MIS18A: variants seen among roughly 807,000 people sequenced by gnomAD.
The protein encoded by MIS18A is protein Mis18-alpha.
MIS18A carries 14 observed loss-of-function variants against 25.0 expected under a neutral mutation model. The ratio of observed to expected loss-of-function variants is 0.56; its 90% CI spans 0.37 to 0.88. The LOEUF is 0.88. Among genes scored for constraint, MIS18A ranks in the 40% least tolerant of loss-of-function variants. The pLI is 0.00. For synonymous variants in MIS18A, 134 were observed against 118.6 expected, an observed-to-expected ratio of 1.13 and a Z score of -0.84; for missense variants, 292 against 290.8, an observed-to-expected ratio of 1.00 and a Z score of -0.03.
rs2031652469 is a variant in MIS18A, at chr21:32,268,774, G to A, written c.*263C>T. 1 of 296,478 alleles carries A rather than the reference G, an allele frequency of 3.4e-6. No homozygotes were observed. The highest frequency in any genetic ancestry group is 6.2e-6 in the Non-Finnish European group (1 of 160,884). The allele number at this position is 296,478 out of a possible 1,614,324, so 18.4% of individuals were successfully genotyped here. A position where few individuals can be genotyped will look rare whatever the true frequency, so the allele number is the denominator to read the frequency against. On this transcript the variant is annotated 3_prime_UTR_variant, in exon 5 of 5. Transcript: ENST00000290130. ...TTCTTTATCATAAAATATAGCTATA[G>A]AAGTAATTCTACAATTTTGGGTTTT...
At chr21:32,159,995 G>A in the MIS18A span, among the ~76,000 whole-genome samples, 1 of 152,150 alleles carries the variant, frequency 6.6e-6, no homozygotes, top group Admixed American at 6.6e-5. Flanking sequence ...AAGGAAGGAA[G>A]GAAAACCAAG....
At chr21:32,185,310 G>A in the MIS18A span, among the ~76,000 whole-genome samples, 10 of 152,192 alleles carry the variant, frequency 6.6e-5, no homozygotes, top group South Asian at 2.1e-3. Context: ...GAGAAAAAAC[G>A]GAGCACTCCC....
the MIS18A span, among the ~76,000 whole-genome samples, chr21:32,217,193 C>T: frequency 2.6e-5 from 4 of 151,714 alleles, no homozygotes; most frequent in Admixed American, 1.3e-4. Flanking sequence ...GACTTTAAAC[C>T]ACCTATTTTA....
At chr21:32,165,754 A>C in the MIS18A span, among the ~76,000 whole-genome samples, 2 of 152,182 alleles carry the variant, frequency 1.3e-5, no homozygotes, top group South Asian at 4.1e-4. Context: ...GAATGATGAG[A>C]GCTCCATGGA....
chr21:32,246,301 C>A, the MIS18A span, among the ~76,000 whole-genome samples: 1 of 152,182 alleles, frequency 6.6e-6, no homozygotes, highest in African/African-American at 2.4e-5. Context: ...CAGAGCTCAG[C>A]TGCTGCTCCT....
intron 1 of MIS18A, chr21:32,278,198 G>A (rs548186525): frequency 1.2e-4 from 18 of 155,760 alleles, no homozygotes; most frequent in Non-Finnish European, 2.1e-4. Flanking sequence ...TGCTTTTATT[G>A]CAAGTTTCCT....
chr21:32,241,809 A>G, the MIS18A span, among the ~76,000 whole-genome samples: 3 of 152,250 alleles, frequency 2.0e-5, no homozygotes, highest in Admixed American at 6.5e-5. Flanking sequence ...CTTGTCCCAC[A>G]GAAGACTCAA....
At chr21:32,196,116 CT>C in the MIS18A span, among the ~76,000 whole-genome samples, 1 of 152,086 alleles carries the variant, frequency 6.6e-6, no homozygotes, top group Non-Finnish European at 1.5e-5. Flanking sequence ...AAAACGCTAT[CT>C]GGGCATGTCT....
At chr21:32,256,764 T>C in the MIS18A span, among the ~76,000 whole-genome samples, 2 of 152,184 alleles carry the variant, frequency 1.3e-5, no homozygotes, top group Non-Finnish European at 1.5e-5. Context: ...ACTTTATTAC[T>C]TCTTAATCTG....
the MIS18A span, among the ~76,000 whole-genome samples, chr21:32,170,862 T>C: frequency 6.6e-6 from 1 of 151,970 alleles, no homozygotes; most frequent in Admixed American, 6.6e-5. Flanking sequence ...ACAATATTCA[T>C]AGAATAAAGC....
chr21:32,237,709 A>G, the MIS18A span, among the ~76,000 whole-genome samples: 1,406 of 152,312 alleles, frequency 9.2e-3, 10 homozygotes, highest in Non-Finnish European at 0.014. Context: ...TGAGTTTAGC[A>G]TTTTACAAAT....
intron 2 of MIS18A, among the ~76,000 whole-genome samples, chr21:32,273,622 T>C (rs2031754157): frequency 6.6e-6 from 1 of 152,188 alleles, no homozygotes; most frequent in Admixed American, 6.5e-5. Flanking sequence ...TGAATGTTTC[T>C]GTCCCCTACC....
At chr21:32,217,168 G>A in the MIS18A span, among the ~76,000 whole-genome samples, 2 of 151,966 alleles carry the variant, frequency 1.3e-5, no homozygotes, top group Non-Finnish European at 2.9e-5. Flanking sequence ...CTAGATATTA[G>A]ACATACTAGA....
the MIS18A span, among the ~76,000 whole-genome samples, chr21:32,196,498 T>C: frequency 6.6e-6 from 1 of 151,138 alleles, no homozygotes; most frequent in Non-Finnish European, 1.5e-5. Context: ...TCTCTCTCTG[T>C]TGCCCAGGCT....
the MIS18A span, among the ~76,000 whole-genome samples, chr21:32,176,022 C>T: frequency 2.0e-5 from 3 of 152,170 alleles, no homozygotes; most frequent in African/African-American, 4.8e-5. Context: ...TTTCACCCCA[C>T]TGGCAGGTCT....
chr21:32,214,348 G>A, the MIS18A span, among the ~76,000 whole-genome samples: 1 of 152,294 alleles, frequency 6.6e-6, no homozygotes, highest in South Asian at 2.1e-4. Context: ...AGAAAATTCT[G>A]ACAAAGTCAC....
the MIS18A span, among the ~76,000 whole-genome samples, chr21:32,262,022 A>T: frequency 6.6e-6 from 1 of 152,244 alleles, no homozygotes; most frequent in Non-Finnish European, 1.5e-5. Context: ...ACTGCTAAAA[A>T]ACAAGCTCAG....
At chr21:32,200,971 G>C in the MIS18A span, among the ~76,000 whole-genome samples, 2 of 152,140 alleles carry the variant, frequency 1.3e-5, no homozygotes, top group South Asian at 4.2e-4. Flanking sequence ...TTGCTATAAA[G>C]GAATACCTGA....
At chr21:32,207,798 G>C in the MIS18A span, among the ~76,000 whole-genome samples, 1 of 152,076 alleles carries the variant, frequency 6.6e-6, no homozygotes, top group Non-Finnish European at 1.5e-5. Flanking sequence ...ATTTTACAAG[G>C]CTGCGCTTTC....
Sources: gnomAD v4.1 joint callset for allele counts (sites outside exome capture counted in the v4.1 genomes callset) on GRCh38, gnomAD v4.1.1 for gene constraint, MANE v1.5 for transcripts, NCBI Gene and HGNC (gene_info 2026-07-23, HGNC 2026-07-21) for gene names.